The following PPEF1 variants were observed in gnomAD, a reference collection of about 807,000 sequenced individuals.
PPEF1 encodes the protein protein phosphatase with EF-hand domain 1, also known as serine/threonine-protein phosphatase with EF-hands 1.
PPEF1 carries 12 observed loss-of-function variants against 53.3 expected under a neutral mutation model. The observed-to-expected ratio is 0.23, with a 90% confidence interval of 0.14 to 0.36. The LOEUF is 0.36. Among genes scored for constraint, PPEF1 ranks in the 10% least tolerant of loss-of-function variants. The pLI, the probability that PPEF1 is intolerant of heterozygous loss-of-function variation, is 1.00. For missense variants in PPEF1, 334 were observed against 490.4 expected (o/e 0.68, Z 3.01); for synonymous variants, 165 against 176.7 (o/e 0.93, Z 0.52).
chrX:18,750,660 T>C (rs759041419), intron 4 of PPEF1, among the ~76,000 whole-genome samples: 3 of 111,691 alleles, frequency 2.7e-5, no homozygotes, highest in Non-Finnish European at 5.6e-5. Flanking sequence ...CTCTTGGGCT[T>C]ATACTTAAGA....
At chrX:18,723,015 C>T (rs919267601) in intron 1 of PPEF1, among the ~76,000 whole-genome samples, 3 of 108,209 alleles carry the variant, frequency 2.8e-5, no homozygotes, top group Non-Finnish European at 3.8e-5. Context: ...GACGGAGTCT[C>T]GCTCTGTCGC....
At chrX:18,743,369 C>T (rs1308241200) in intron 3 of PPEF1, among the ~76,000 whole-genome samples, 3 of 108,887 alleles carry the variant, frequency 2.8e-5, no homozygotes, top group African/African-American at 1.0e-4. Flanking sequence ...CTAGTGGTAT[C>T]GTATTTCAGG....
chrX:18,792,583 GTT>G (rs1445165099), intron 10 of PPEF1, among the ~76,000 whole-genome samples: 10 of 110,422 alleles, frequency 9.1e-5, no homozygotes, highest in Non-Finnish European at 1.7e-4. Context: ...TCTCACTAAG[GTT>G]TGTCAATGTT....
At chrX:18,790,852 G>C (rs978899183) in intron 10 of PPEF1, among the ~76,000 whole-genome samples, 5 of 109,940 alleles carry the variant, frequency 4.5e-5, no homozygotes, top group African/African-American at 9.9e-5. Flanking sequence ...TGTATTTTTA[G>C]TAGAGATGAG....
At chrX:18,730,671 C>T (rs1417969536) in intron 2 of PPEF1, among the ~76,000 whole-genome samples, 1 of 110,519 alleles carries the variant, frequency 9.0e-6, no homozygotes, top group African/African-American at 3.3e-5. Flanking sequence ...AGCAACAAAC[C>T]TCTGCAAGCT....
chrX:18,808,552 CAAA>C (rs57335377), intron 12 of PPEF1, among the ~76,000 whole-genome samples: 14 of 99,414 alleles, frequency 1.4e-4, no homozygotes, highest in Non-Finnish European at 1.0e-4. Context: ...GACTCAACAG[CAAA>C]AAAAAAAAAA....
intron 1 of PPEF1, among the ~76,000 whole-genome samples, chrX:18,677,640 C>A (rs1178383418): frequency 1.8e-5 from 2 of 111,632 alleles, no homozygotes; most frequent in Non-Finnish European, 3.8e-5. Context: ...AGCTGATGAT[C>A]TAGCTTCCTA....
At position 18,775,700 on chromosome X, in the gene PPEF1, C is replaced by G. The variant is rs554559716; in HGVS notation, c.559-3310C>G. ...TTTAGTAGATCTGATTGGTCTGTCT[C>G]TCTCTAGTTGCCGGATCCTCTTAGG... On this transcript the variant is annotated intron_variant, in intron 6 of 15. Coordinates refer to ENST00000470157, the MANE Select transcript of PPEF1 (RefSeq NM_001377996.1). 6.2e-5 allele frequency among the ~76,000 whole-genome samples: 7 copies of G among 112,152 alleles called. No individual in the cohort carries two copies. In the South Asian group the frequency reaches 2.2e-3, roughly 36 times the overall value.
At chrX:18,701,582 A>G (rs1471105265) in intron 6 of PPEF1, among the ~76,000 whole-genome samples, 1 of 112,577 alleles carries the variant, frequency 8.9e-6, no homozygotes, top group Non-Finnish European at 1.9e-5. Context: ...CCAAGGCTCC[A>G]CTGGGCCAGC....
rs1465056111 is a variant in PPEF1, at chrX:18,709,955, A to G, written c.46+2129A>G. 2.7e-5 allele frequency among the ~76,000 whole-genome samples: 3 copies of G among 112,173 alleles called. No homozygotes were observed. The East Asian group carries it at 8.4e-4, about 31-fold the overall frequency. On this transcript the variant is annotated intron_variant, in intron 1 of 15. Transcript: ENST00000470157. ...AGCTGTTTTCCCAAGTGACTGCACCATTCTACATTCCTACCAGCAGTGTAT... is the reference window on the plus strand; with the variant it reads ...AGCTGTTTTCCCAAGTGACTGCACCGTTCTACATTCCTACCAGCAGTGTAT...
intron 1 of PPEF1, among the ~76,000 whole-genome samples, chrX:18,715,001 G>A (rs752697409): frequency 2.4e-4 from 27 of 111,841 alleles, no homozygotes; most frequent in East Asian, 2.2e-3. Flanking sequence ...GGAGTATCAC[G>A]GCAGTTTGAG....
chrX:18,743,148 C>T (rs969739407), intron 3 of PPEF1, among the ~76,000 whole-genome samples: 1 of 111,952 alleles, frequency 8.9e-6, no homozygotes, highest in Non-Finnish European at 1.9e-5. Flanking sequence ...GGCATGATTC[C>T]TTGGGGAGCC....
At chrX:18,688,440 A>C (rs1359514742) in intron 3 of PPEF1, among the ~76,000 whole-genome samples, 1 of 112,991 alleles carries the variant, frequency 8.9e-6, no homozygotes, top group Non-Finnish European at 1.9e-5. Flanking sequence ...AGAGTTATTA[A>C]ACATGTAGAC....
intron 13 of PPEF1, among the ~76,000 whole-genome samples, chrX:18,821,511 A>G (rs989770466): frequency 9.0e-6 from 1 of 110,774 alleles, no homozygotes; most frequent in Non-Finnish European, 1.9e-5. Context: ...AGGTTAAAGC[A>G]ATTCTTCTGC....
intron 1 of PPEF1, among the ~76,000 whole-genome samples, chrX:18,722,796 T>G (rs2044616612): frequency 9.2e-6 from 1 of 108,862 alleles, no homozygotes; most frequent in Admixed American, 9.9e-5. Flanking sequence ...GGAGAAAAAA[T>G]AAGGAAGGAG....
chrX:18,821,772 AG>A (rs1569273786), intron 13 of PPEF1, among the ~76,000 whole-genome samples: 4 of 75,699 alleles, frequency 5.3e-5, no homozygotes, highest in Non-Finnish European at 2.5e-5. Context: ...AGAGAGAGAG[AG>A]AGAGAGAGAG....
intron 4 of PPEF1, among the ~76,000 whole-genome samples, chrX:18,693,072 G>C (rs947129434): frequency 1.8e-5 from 2 of 111,833 alleles, no homozygotes; most frequent in African/African-American, 6.5e-5. Flanking sequence ...GCTTCTCTTG[G>C]AAAATTACAT....
At chrX:18,696,895 C>T (rs887919838) in intron 4 of PPEF1, among the ~76,000 whole-genome samples, 4 of 112,107 alleles carry the variant, frequency 3.6e-5, no homozygotes, top group East Asian at 2.8e-4. Flanking sequence ...CTGCACATGC[C>T]GCTGTTTTCT....
At chrX:18,731,790 C>A (rs140189046) in intron 2 of PPEF1, among the ~76,000 whole-genome samples, 1 of 112,328 alleles carries the variant, frequency 8.9e-6, no homozygotes, top group African/African-American at 3.2e-5. Context: ...TCCCTGGCAA[C>A]GACTAAGCTA....
Sources: gnomAD v4.1 joint callset for allele counts (sites outside exome capture counted in the v4.1 genomes callset) on GRCh38, gnomAD v4.1.1 for gene constraint, MANE v1.5 for transcripts, NCBI Gene and HGNC (gene_info 2026-07-23, HGNC 2026-07-21) for gene names.